WWP1: variants seen among roughly 807,000 people sequenced by gnomAD.
The protein encoded by WWP1 is WW domain containing E3 ubiquitin protein ligase 1.
WWP1 carries 49 observed loss-of-function variants against 130.6 expected under a neutral mutation model. The observed-to-expected ratio is 0.38, with a 90% CI of 0.30 to 0.48. WWP1 has a LOEUF of 0.48. Among genes scored for constraint, WWP1 ranks in the 20% least tolerant of loss-of-function variants. The pLI is 0.99. For missense variants in WWP1, 809 were observed against 1,100.6 expected (o/e 0.74, Z 3.75); for synonymous variants, 332 against 367.8 (o/e 0.90, Z 1.11).
chr8:86,362,165 T>G (rs1215189440), intron 1 of WWP1, among the ~76,000 whole-genome samples: 3 of 32,016 alleles, frequency 9.4e-5, no homozygotes, highest in Non-Finnish European at 2.0e-4. Flanking sequence ...ATACAAGGCA[T>G]ATATATATAT....
intron 2 of WWP1, among the ~76,000 whole-genome samples, chr8:86,369,856 ATT>A (rs985433761): frequency 6.6e-6 from 1 of 152,090 alleles, no homozygotes; most frequent in African/African-American, 2.4e-5. Flanking sequence ...TGAGTTAGTG[ATT>A]TATACTTTAC....
chr8:86,460,790 C>CTTTTTT lies in WWP1; in HGVS notation c.2500-402_2500-397dup, dbSNP rs59506795. 1.2e-3 allele frequency among the ~76,000 whole-genome samples: 75 copies of CTTTTTT among 62,402 alleles called. 17 individuals are homozygous for CTTTTTT. Among genetic ancestry groups the CTTTTTT allele is most frequent in the Non-Finnish European group, 2.1e-3 (64 of 31,006 alleles). The allele number at this position is 62,402 out of a possible 152,430, so 40.9% of individuals were successfully genotyped here. On this transcript the variant is annotated intron_variant, in intron 22 of 24. Coordinates refer to ENST00000517970, the MANE Select transcript of WWP1 (RefSeq NM_007013.4). ...ACCCTACAACCTCTTTTTAGCACAT[C>CTTTTTT]TTTTTTTTTTTTTTTTTTTTTTTTT...
chr8:86,435,417 A>G (rs766734572), intron 14 of WWP1, 35 bp from the exon 15 acceptor site: 21 of 1,599,474 alleles, frequency 1.3e-5, no homozygotes, highest in Non-Finnish European at 1.7e-5. Context: ...CAACTTTATT[A>G]TGAGTTAATT....
intron 24 of WWP1, among the ~76,000 whole-genome samples, chr8:86,462,879 GAA>G (rs796454840): frequency 3.6e-5 from 4 of 111,730 alleles, no homozygotes; most frequent in African/African-American, 3.4e-5. Flanking sequence ...GAGGTTTAAA[GAA>G]AAAAAAAAAA....
chr8:86,373,952 T>A, intron 2 of WWP1, 78 bp from the exon 3 acceptor site: 2 of 1,081,958 alleles, frequency 1.8e-6, no homozygotes, highest in Non-Finnish European at 2.6e-6. Flanking sequence ...CTTAGTTGAT[T>A]TAAACAAGTA....
At chr8:86,452,466 A>G (rs1376931586) in intron 20 of WWP1, 93 bp from the exon 21 acceptor site, 1 of 1,121,376 alleles carries the variant, frequency 8.9e-7, no homozygotes, top group Non-Finnish European at 1.2e-6. Context: ...GCATATTTAG[A>G]AAAAGAGAAA....
intron 16 of WWP1, among the ~76,000 whole-genome samples, chr8:86,437,985 A>G (rs1005619087): frequency 6.6e-6 from 1 of 152,068 alleles, no homozygotes; most frequent in Non-Finnish European, 1.5e-5. Context: ...ATTTTTTAGT[A>G]GAGACGGGGT....
intron 5 of WWP1, among the ~76,000 whole-genome samples, chr8:86,395,159 A>G (rs1386623613): frequency 2.6e-5 from 4 of 152,154 alleles, no homozygotes; most frequent in Admixed American, 2.0e-4. Context: ...CCACTGGTAA[A>G]AATTAGCTTA....
intron 2 of WWP1, among the ~76,000 whole-genome samples, chr8:86,370,855 CTTTTTTTTTTT>C (rs555585296): frequency 1.3e-3 from 60 of 44,884 alleles, no homozygotes; most frequent in African/African-American, 5.2e-3. Context: ...TATATTCATT[CTTTTTTTTTTT>C]TTTTTTTTTT....
chr8:86,343,114 G>A (rs1822323966), intron 1 of WWP1, 184 bp downstream of exon 1: 1 of 255,336 alleles, frequency 3.9e-6, no homozygotes, highest in African/African-American at 2.3e-5. Flanking sequence ...GGAGTCGGGA[G>A]TTTTCTGGGG....
intron 1 of WWP1, among the ~76,000 whole-genome samples, chr8:86,345,631 T>A (rs1476165683): frequency 6.8e-6 from 1 of 147,438 alleles, no homozygotes; most frequent in Non-Finnish European, 1.5e-5. Flanking sequence ...AGGCTCGTGT[T>A]GAACTCCTGA....
At chr8:86,422,049 CAG>C (rs1809247209) in intron 9 of WWP1, among the ~76,000 whole-genome samples, 3 of 152,116 alleles carry the variant, frequency 2.0e-5, no homozygotes, top group Admixed American at 6.5e-5. Context: ...CATTTAAAAA[CAG>C]AATCTTTTAT....
intron 3 of WWP1, among the ~76,000 whole-genome samples, chr8:86,375,562 C>CT (rs11390683): frequency 0.15 from 22,357 of 152,088 alleles, 1,794 homozygotes; most frequent in Non-Finnish European, 0.19. Context: ...CTGTGCTTTG[C>CT]TTTTTTTAAC....
chr8:86,404,110 G>A (rs138275529), intron 8 of WWP1, among the ~76,000 whole-genome samples: 1 of 152,306 alleles, frequency 6.6e-6, no homozygotes, highest in East Asian at 1.9e-4. Context: ...TTGACATGAT[G>A]CTGAAAGGAA....
intron 13 of WWP1, 26 bp downstream of exon 13, chr8:86,431,516 C>A (rs140616897): frequency 6.2e-7 from 1 of 1,610,150 alleles, no homozygotes; most frequent in South Asian, 1.1e-5. Context: ...AGCCTTAAGT[C>A]GTCTTGCATA....
At chr8:86,375,274 T>A (rs1025203184) in intron 3 of WWP1, among the ~76,000 whole-genome samples, 1 of 152,184 alleles carries the variant, frequency 6.6e-6, no homozygotes, top group Admixed American at 6.5e-5. Flanking sequence ...ATCACCAAAT[T>A]GATAATTAGT....
intron 9 of WWP1, among the ~76,000 whole-genome samples, chr8:86,421,217 T>C (rs566146341): frequency 5.9e-5 from 9 of 152,212 alleles, no homozygotes; most frequent in African/African-American, 1.9e-4. Context: ...TCATGAGTGT[T>C]CCAGTGTAGG....
intron 24 of WWP1, among the ~76,000 whole-genome samples, chr8:86,462,056 C>G (rs978354767): frequency 6.6e-6 from 1 of 152,162 alleles, no homozygotes; most frequent in African/African-American, 2.4e-5. Flanking sequence ...TCCAGTGATT[C>G]AACAAGTATT....
intron 18 of WWP1, among the ~76,000 whole-genome samples, chr8:86,443,768 C>T (rs988503131): frequency 8.5e-5 from 13 of 152,152 alleles, no homozygotes; most frequent in Non-Finnish European, 1.5e-5. Flanking sequence ...AAGCTAGGGA[C>T]TGAATCATGC....
Sources: allele counts gnomAD v4.1 joint callset (sites outside exome capture counted in the v4.1 genomes callset), GRCh38; gene constraint gnomAD v4.1.1; transcripts MANE v1.5; gene names NCBI Gene and HGNC (gene_info 2026-07-23, HGNC 2026-07-21).